The following CFAP100 variants were observed in gnomAD, a reference collection of about 807,000 sequenced individuals.
The protein encoded by CFAP100 is cilia- and flagella-associated protein 100.
CFAP100 carries 70 observed loss-of-function variants against 81.5 expected under a neutral mutation model. The ratio of observed to expected loss-of-function variants is 0.86; its 90% confidence interval spans 0.71 to 1.05. The LOEUF is 1.05. Ranked by LOEUF, CFAP100 falls within the 50% of genes least tolerant of loss-of-function variation. The pLI is 0.00. For synonymous variants in CFAP100, 341 were observed against 314.8 expected, an observed-to-expected ratio of 1.08 and a Z score of -0.88; for missense variants, 811 against 776.5, an observed-to-expected ratio of 1.04 and a Z score of -0.53.
Position 126,430,043 on chromosome 3 carries a change from G to A in CFAP100, c.1287-3026G>A, listed in dbSNP as rs141842720. On this transcript the variant is annotated intron_variant, in intron 13 of 16. Coordinates refer to ENST00000352312, the MANE Select transcript of CFAP100 (RefSeq NM_182628.3). ...GAAATATACTGATCGTCTTAGAGCA[G>A]TTGTTGTACATGATAAGTCACTTTT... is the stretch of plus-strand genomic sequence containing the variant. Among the ~76,000 whole-genome samples, 25 of 152,296 alleles carry A rather than the reference G, an allele frequency of 1.6e-4. No individual in the cohort carries two copies. The East Asian group carries it at 4.4e-3, about 27-fold the overall frequency.
Position 126,399,461 on chromosome 3 carries a change from T to C in CFAP100, c.49+3412T>C, listed in dbSNP as rs545884094. On this transcript the variant is annotated intron_variant, in intron 2 of 16. Transcript: ENST00000352312. ...CAGACTGAAAAGGAGGAAGTAAAAC[T>C]ATTCACAGATGACACAACCCTATAT... Among the ~76,000 whole-genome samples the C allele has an allele frequency of 1.2e-4, 18 of 152,300 alleles. No homozygotes were observed. In the South Asian group the frequency reaches 3.3e-3, roughly 28 times the overall value.
chr3:126,420,056 G>A, intron 10 of CFAP100, 35 bp downstream of exon 10: 1 of 1,613,258 alleles, frequency 6.2e-7, no homozygotes, highest in Non-Finnish European at 8.5e-7. Flanking sequence ...GAGGAGCCTG[G>A]CTCTGCCCTG....
intron 13 of CFAP100, among the ~76,000 whole-genome samples, chr3:126,425,616 G>A (rs1434595011): frequency 6.6e-6 from 1 of 152,118 alleles, no homozygotes; most frequent in Non-Finnish European, 1.5e-5. Context: ...GGCATTACAA[G>A]AAAGGAAAAG....
In CFAP100 at chr3:126,415,073, G is replaced by A. The variant is rs942235267; in HGVS notation, c.225+894G>A. 9.9e-5 allele frequency among the ~76,000 whole-genome samples: 15 copies of A among 152,226 alleles called. No homozygotes were observed. The South Asian group carries it at 2.1e-3, about 21-fold the overall frequency. ...GAGACCCAGAGACTCTCTGACCCAC[G>A]CCTTGGCCACCCTACTGTATCTTCT... is the stretch of plus-strand genomic sequence containing the variant. On this transcript the variant is annotated intron_variant, in intron 4 of 16. Coordinates refer to ENST00000352312, the MANE Select transcript of CFAP100 (RefSeq NM_182628.3).
chr3:126,426,477 T>C (rs80065040), intron 13 of CFAP100, among the ~76,000 whole-genome samples: 13,488 of 142,044 alleles, frequency 0.095, 741 homozygotes, highest in African/African-American at 0.14. Context: ...AAAGGCTGGG[T>C]GCAATGGCTC....
At chr3:126,415,001 A>G (rs976795972) in intron 4 of CFAP100, among the ~76,000 whole-genome samples, 3 of 152,160 alleles carry the variant, frequency 2.0e-5, no homozygotes, top group Non-Finnish European at 4.4e-5. Context: ...AGGCCTCCAC[A>G]TCAGAGACCA....
At chr3:126,424,275 C>T (rs753238090) in intron 13 of CFAP100, among the ~76,000 whole-genome samples, 29 of 152,314 alleles carry the variant, frequency 1.9e-4, no homozygotes, top group Admixed American at 1.1e-3. Context: ...CTGAGACGGG[C>T]AGGGATGGGT....
chr3:126,435,019 C>T (rs558858609), intron 15 of CFAP100, among the ~76,000 whole-genome samples: 3 of 152,250 alleles, frequency 2.0e-5, no homozygotes, highest in Admixed American at 2.0e-4. Context: ...CCCGGTTCAT[C>T]CACCCCGTGC....
chr3:126,418,868 GC>G, intron 7 of CFAP100, 94 bp downstream of exon 7: 1 of 1,421,588 alleles, frequency 7.0e-7, no homozygotes, highest in Non-Finnish European at 9.4e-7. Flanking sequence ...TCTGCCCCCA[GC>G]CCCTGCAACT....
chr3:126,431,622 G>A (rs1933231580), intron 13 of CFAP100, among the ~76,000 whole-genome samples: 2 of 152,210 alleles, frequency 1.3e-5, no homozygotes, highest in African/African-American at 4.8e-5. Context: ...TTCTGTGGAA[G>A]GACAAGAGCT....
At position 126,429,792 on chromosome 3, in the gene CFAP100, T is replaced by G. The variant is rs1040039543; in HGVS notation, c.1287-3277T>G. Among the ~76,000 whole-genome samples, 3 of 152,180 alleles carry G rather than the reference T, an allele frequency of 2.0e-5. No homozygotes were observed. The East Asian group carries it at 5.8e-4, about 29-fold the overall frequency. On this transcript the variant is annotated intron_variant, in intron 13 of 16. Transcript: ENST00000352312. Reference sequence around the variant, plus strand: ...ATACTTTTGTATGCTTTCGTGTTGGTATTTAGTAACTTTTTGTTTCAACTT... The same window carrying G: ...ATACTTTTGTATGCTTTCGTGTTGGGATTTAGTAACTTTTTGTTTCAACTT...
chr3:126,409,810 C>G (rs2083126420), intron 3 of CFAP100, among the ~76,000 whole-genome samples: 2 of 152,166 alleles, frequency 1.3e-5, no homozygotes, highest in Non-Finnish European at 2.9e-5. Flanking sequence ...GAGCTCTTTA[C>G]TGGATAGAAG....
intron 5 of CFAP100, chr3:126,418,019 A>C: frequency 6.0e-6 from 1 of 165,362 alleles, no homozygotes; most frequent in Non-Finnish European, 1.3e-5. Context: ...GTGTAGACTC[A>C]GCCTCTGCCC....
chr3:126,434,403 C>T (rs1361011774), intron 15 of CFAP100, 22 bp downstream of exon 15: 2 of 1,602,172 alleles, frequency 1.2e-6, no homozygotes, highest in African/African-American at 1.3e-5. Flanking sequence ...GCTCTCCCTG[C>T]CAGCTGCTGT....
intron 4 of CFAP100, among the ~76,000 whole-genome samples, chr3:126,415,388 A>T (rs1246716109): frequency 1.6e-5 from 2 of 126,334 alleles, no homozygotes; most frequent in Admixed American, 1.7e-4. Context: ...TCCCACTTAT[A>T]CCCTCCCCCA....
intron 3 of CFAP100, 65 bp from the exon 4 acceptor site, chr3:126,414,020 C>T (rs1420009875): frequency 1.6e-6 from 2 of 1,234,186 alleles, no homozygotes; most frequent in African/African-American, 3.0e-5. Context: ...AGTGGGGCCC[C>T]AGAGACAGAG....
At chr3:126,419,564 C>A in intron 8 of CFAP100, 73 bp from the exon 9 acceptor site, 1 of 1,410,176 alleles carries the variant, frequency 7.1e-7, no homozygotes, top group Non-Finnish European at 9.9e-7. Flanking sequence ...GGAGGGGTGG[C>A]CCCGGCATGG....
At chr3:126,410,132 C>T (rs1283982155) in intron 3 of CFAP100, among the ~76,000 whole-genome samples, 1 of 152,136 alleles carries the variant, frequency 6.6e-6, no homozygotes, top group Admixed American at 6.5e-5. Flanking sequence ...ACCCAGGAGA[C>T]GGAGGTTGCA....
intron 15 of CFAP100, 179 bp downstream of exon 15, chr3:126,434,560 G>A (rs1933371992): frequency 1.2e-5 from 8 of 644,864 alleles, no homozygotes; most frequent in Middle Eastern, 4.3e-4. Context: ...CAAGTGGGGG[G>A]TGGTTAGGGA....
Sources: gnomAD v4.1 joint callset for allele counts (sites outside exome capture counted in the v4.1 genomes callset) on GRCh38, gnomAD v4.1.1 for gene constraint, MANE v1.5 for transcripts, NCBI Gene and HGNC (gene_info 2026-07-23, HGNC 2026-07-21) for gene names.